VAV1: variants seen among roughly 807,000 people sequenced by gnomAD.
VAV1 encodes the protein vav guanine nucleotide exchange factor 1.
Under a neutral mutation model 128.1 loss-of-function variants are expected in VAV1, and 33 were observed. That is an observed-to-expected ratio of 0.26 (90% CI 0.20 to 0.34). The LOEUF is 0.34. Among genes scored for constraint, VAV1 ranks in the 10% least tolerant of loss-of-function variants. VAV1 has a pLI of 1.00. For synonymous variants in VAV1, 394 were observed against 409.8 expected (o/e 0.96, Z 0.47); for missense variants, 715 against 1,093.7 (o/e 0.65, Z 4.88).
At chr19:6,775,791 G>A (rs987738817) in intron 1 of VAV1, among the ~76,000 whole-genome samples, 7 of 152,192 alleles carry the variant, frequency 4.6e-5, no homozygotes, top group African/African-American at 1.7e-4. Flanking sequence ...ACTGTCCACA[G>A]ATTGAAGCAG....
chr19:6,796,379 T>C (rs1025632029), intron 1 of VAV1, among the ~76,000 whole-genome samples: 10 of 152,074 alleles, frequency 6.6e-5, no homozygotes, highest in Non-Finnish European at 1.3e-4. Context: ...GCATTTTGAT[T>C]ACATGGCCAC....
Position 6,826,745 on chromosome 19 carries a change from C to A in VAV1, c.927+34C>A. 3 of 1,498,994 alleles carry A rather than the reference C, an allele frequency of 2.0e-6. No individual in the cohort carries two copies. The highest frequency in any genetic ancestry group is 2.7e-6 in the Non-Finnish European group (3 of 1,111,720). The allele number at this position is 1,498,994 out of a possible 1,614,324, so 92.9% of individuals were successfully genotyped here. A position where few individuals can be genotyped will look rare whatever the true frequency, so the allele number is the denominator to read the frequency against. On this transcript the variant is annotated intron_variant, in intron 9 of 26. Coordinates refer to ENST00000602142, the MANE Select transcript of VAV1 (RefSeq NM_005428.4). This position sits in a 1 kb window ranked among gnomAD's most constrained non-coding sequence, Gnocchi z 4.1. ...CGGGCCACTTCTCGGGGGCCTCTCC[C>A]GCTCCTCCCCAGGCCCTGGGGGCAG... is the stretch of plus-strand genomic sequence containing the variant.
chr19:6,805,234 G>A (rs1971365728), intron 1 of VAV1, among the ~76,000 whole-genome samples: 1 of 151,840 alleles, frequency 6.6e-6, no homozygotes, highest in Non-Finnish European at 1.5e-5. Context: ...AGACCAGCCT[G>A]GCCAACATGG....
chr19:6,772,752 C>A lies in VAV1; in HGVS notation c.-56C>A. ...CAGGCGAGCAGGGCAGGCGTGCGGGCGGGTGGGTGGTGGAGGCTGCGAGGG... is the reference window on the plus strand; with the variant it reads ...CAGGCGAGCAGGGCAGGCGTGCGGGAGGGTGGGTGGTGGAGGCTGCGAGGG... On this transcript the variant is annotated 5_prime_UTR_variant, in exon 1 of 27. Transcript: ENST00000602142. This position sits in a 1 kb window ranked among gnomAD's most constrained non-coding sequence, Gnocchi z 4.8. 6.5e-7 allele frequency: 1 copy of A among 1,544,118 alleles called. No individual in the cohort carries two copies.
In VAV1 at chr19:6,826,565, C is replaced by A. The variant is rs1283445670; in HGVS notation, c.828-47C>A. The A allele has an allele frequency of 1.4e-6, 2 of 1,463,830 alleles. No homozygotes were observed. The highest frequency in any genetic ancestry group is 2.0e-5 in the Admixed American group (1 of 50,894). 90.7% of individuals were successfully genotyped at this position (1,463,830 alleles called of 1,614,324 possible). On this transcript the variant is annotated intron_variant, in intron 8 of 26. Coordinates refer to ENST00000602142, the MANE Select transcript of VAV1 (RefSeq NM_005428.4). The surrounding 1 kb of genome is among the most constrained non-coding windows in gnomAD (Gnocchi z 4.1). ...AGGGCTGACGCCAGCCTCTGCCCGA[C>A]CTTGATGCCAGTCACCTTTACCTGG...
intron 23 of VAV1, among the ~76,000 whole-genome samples, chr19:6,849,401 G>T (rs1441609818): frequency 2.1e-5 from 3 of 141,362 alleles, no homozygotes; most frequent in Non-Finnish European, 4.5e-5. Context: ...CGAGTCTTCT[G>T]CCTCAGCCTC....
Position 6,833,749 on chromosome 19 carries a change from G to A in VAV1, c.1731+16G>A. 6.2e-7 allele frequency: 1 copy of A among 1,614,152 alleles called. No homozygotes were observed. Among genetic ancestry groups the A allele is most frequent in the Non-Finnish European group, 8.5e-7 (1 of 1,180,020 alleles). On this transcript the variant is annotated intron_variant, in intron 18 of 26. Transcript: ENST00000602142. ...TATGAAGAAGGTAAGACTTTCCCGT[G>A]GTCCTTCCTGTGTACCACAAATAAT...
At chr19:6,825,530 C>CAGCCCCTCGCCCAT in intron 8 of VAV1, 124 bp downstream of exon 8, 1 of 754,918 alleles carries the variant, frequency 1.3e-6, no homozygotes, top group Non-Finnish European at 2.2e-6. Flanking sequence ...TGTTCATGGG[C>CAGCCCCTCGCCCAT]GAGGGGCTGC....
intron 1 of VAV1, among the ~76,000 whole-genome samples, chr19:6,818,619 T>C (rs985817114): frequency 1.3e-5 from 2 of 152,154 alleles, no homozygotes; most frequent in African/African-American, 4.8e-5. Flanking sequence ...AATGTGGCAG[T>C]ATTTGGATAT....
At position 6,777,383 on chromosome 19, in the gene VAV1, C is replaced by T. The variant is rs114949986; in HGVS notation, c.204+4372C>T. Among the ~76,000 whole-genome samples the T allele has an allele frequency of 0.011, 1,745 of 152,182 alleles. 44 individuals are homozygous for T. The highest frequency in any genetic ancestry group is 0.051 in the South Asian group (248 of 4,816). On this transcript the variant is annotated intron_variant, in intron 1 of 26. Coordinates refer to ENST00000602142, the MANE Select transcript of VAV1 (RefSeq NM_005428.4). The surrounding 1 kb of genome is among the most constrained non-coding windows in gnomAD (Gnocchi z 4.4). ...CCCCTGTTGTTGAGGAGCCTGCATT[C>T]TAGTGGGGGAGGCTGACAGTGAAGA...
Position 6,843,115 on chromosome 19 carries a change from G to C in VAV1, c.1981-20G>C. The C allele has an allele frequency of 6.2e-7, 1 of 1,613,870 alleles. No individual in the cohort carries two copies. The highest frequency in any genetic ancestry group is 8.5e-7 in the Non-Finnish European group (1 of 1,179,898). On this transcript the variant is annotated intron_variant, in intron 21 of 26. Coordinates refer to ENST00000602142, the MANE Select transcript of VAV1 (RefSeq NM_005428.4). ...GCTGGGGTCTTTACACTAAGTTGGG[G>C]TCTCTCTCTGTATTCTTAGGGCCCT...
intron 1 of VAV1, among the ~76,000 whole-genome samples, chr19:6,816,980 T>A (rs1325120541): frequency 6.6e-6 from 1 of 151,396 alleles, no homozygotes; most frequent in Admixed American, 6.6e-5. Context: ...GTATAAACAC[T>A]GACAGTGTGG....
chr19:6,801,793 C>T (rs1971277022), intron 1 of VAV1, among the ~76,000 whole-genome samples: 1 of 152,188 alleles, frequency 6.6e-6, no homozygotes. Context: ...CACTGCTTCC[C>T]CGAAGGAGCG....
chr19:6,796,626 C>T (rs1568289518), intron 1 of VAV1, among the ~76,000 whole-genome samples: 1 of 152,190 alleles, frequency 6.6e-6, no homozygotes, highest in Non-Finnish European at 1.5e-5. Context: ...GCTTTTCCTC[C>T]AGACACCCAC....
chr19:6,792,604 G>A (rs116358922), intron 1 of VAV1, among the ~76,000 whole-genome samples: 1 of 151,930 alleles, frequency 6.6e-6, no homozygotes, highest in Non-Finnish European at 1.5e-5. Flanking sequence ...TAGAGACAGG[G>A]TCTCACTATG....
chr19:6,822,562 G>A lies in VAV1; in HGVS notation c.654+48G>A, dbSNP rs1427814671. On this transcript the variant is annotated intron_variant, in intron 6 of 26. Coordinates refer to ENST00000602142, the MANE Select transcript of VAV1 (RefSeq NM_005428.4). The surrounding 1 kb of genome is among the most constrained non-coding windows in gnomAD (Gnocchi z 5.9). ...CTGCCGGGCGCATGCGCGGGAGCTG[G>A]GCCGGCAGGTGCACGTCCACCTGTC... is the stretch of plus-strand genomic sequence containing the variant. 2.0e-6 allele frequency: 3 copies of A among 1,520,812 alleles called. No individual in the cohort carries two copies. In the South Asian group the frequency reaches 3.6e-5, roughly 18 times the overall value. The allele number at this position is 1,520,812 out of a possible 1,614,324, so 94.2% of individuals were successfully genotyped here. A position where few individuals can be genotyped will look rare whatever the true frequency, so the allele number is the denominator to read the frequency against.
Position 6,850,663 on chromosome 19 carries a change from G to C in VAV1, c.2130-7G>C, listed in dbSNP as rs368453923. 10 of 1,613,898 alleles carry C rather than the reference G, an allele frequency of 6.2e-6. No individual in the cohort carries two copies. Among genetic ancestry groups the C allele is most frequent in the South Asian group, 1.1e-5 (1 of 91,058 alleles). On this transcript the variant is annotated splice_polypyrimidine_tract_variant and splice_region_variant and intron_variant, in intron 23 of 26. Coordinates refer to ENST00000602142, the MANE Select transcript of VAV1 (RefSeq NM_005428.4). Reference sequence around the variant, plus strand: ...AGACTCAGGGCCCGGTGACCATCTGGTTCCAGATATAACGTCGAGGTCAAG... The same window carrying C: ...AGACTCAGGGCCCGGTGACCATCTGCTTCCAGATATAACGTCGAGGTCAAG...
chr19:6,853,351 T>G (rs1356179582), intron 25 of VAV1, among the ~76,000 whole-genome samples: 1 of 151,878 alleles, frequency 6.6e-6, no homozygotes, highest in African/African-American at 2.4e-5. Context: ...CTGCAACCTT[T>G]GCCTCCCACC....
chr19:6,779,791 C>T (rs1002803509), intron 1 of VAV1, among the ~76,000 whole-genome samples: 3 of 149,278 alleles, frequency 2.0e-5, no homozygotes, highest in East Asian at 2.0e-4. Context: ...TGTGAGCCAC[C>T]GTGCCTGGCC....
Sources: allele counts gnomAD v4.1 joint callset (sites outside exome capture counted in the v4.1 genomes callset), GRCh38; gene constraint gnomAD v4.1.1; non-coding constraint Gnocchi (gnomAD v3.1); transcripts MANE v1.5; gene names NCBI Gene and HGNC (gene_info 2026-07-23, HGNC 2026-07-21).